CARM1: variants seen among roughly 807,000 people sequenced by gnomAD.
CARM1 encodes histone-arginine methyltransferase CARM1.
In CARM1, 14 loss-of-function variants were observed where a neutral mutation model predicts 72.7. The ratio of observed to expected loss-of-function variants is 0.19; its 90% CI spans 0.13 to 0.30. The LOEUF (loss-of-function observed/expected upper bound fraction) is 0.30, where lower values mean the gene tolerates loss of function less well. Ranked by LOEUF, CARM1 falls within the 10% of genes least tolerant of loss-of-function variation. The pLI is 1.00. For synonymous variants in CARM1, 333 were observed against 345.5 expected (o/e 0.96, Z 0.40); for missense variants, 432 against 833.7 (o/e 0.52, Z 5.93).
Position 10,903,308 on chromosome 19 carries a change from A to G in CARM1, c.221-1643A>G, listed in dbSNP as rs199652769. On this transcript the variant is annotated intron_variant, in intron 1 of 15. Coordinates refer to ENST00000327064, the MANE Select transcript of CARM1 (RefSeq NM_199141.2). Reference sequence around the variant, plus strand: ...GAAATTGAGACATGGGAATCCTCCAACTTCATTCTTTTTCAAGACTGTTTT... The same window carrying G: ...GAAATTGAGACATGGGAATCCTCCAGCTTCATTCTTTTTCAAGACTGTTTT... Among the ~76,000 whole-genome samples, 10 of 152,284 alleles carry G rather than the reference A, an allele frequency of 6.6e-5. No individual in the cohort carries two copies. In the East Asian group the frequency reaches 1.7e-3, roughly 26 times the overall value.
chr19:10,908,131 G>T lies in CARM1; in HGVS notation c.439G>T (p.Val147Leu). ...CGAGCGGACGGAGGAGTCTTCTGCC[G>T]TGCAGTACTTCCAGGTGGGTTGTAC... ...FSERTEESSA[V>L]QYFQFYGYLS... Residue 147 changes from valine to leucine, a missense_variant, in exon 3 of 16, where the codon GTG becomes TTG. Physicochemically the swap from Val to Leu is conservative, Grantham distance 32. This residue lies in a region of CARM1 where 152 missense variants were observed against 452.8 expected (regional missense o/e 0.34). Transcript: ENST00000327064. 1 of 1,612,860 alleles carries T rather than the reference G, an allele frequency of 6.2e-7. No individual in the cohort carries two copies. Among genetic ancestry groups the T allele is most frequent in the Non-Finnish European group, 8.5e-7 (1 of 1,178,950 alleles).
chr19:10,880,655 C>T (rs2073895954), intron 1 of CARM1, among the ~76,000 whole-genome samples: 1 of 152,040 alleles, frequency 6.6e-6, no homozygotes. Context: ...AGCCACGGCT[C>T]CAGAGCTCGG....
Position 10,916,909 on chromosome 19 carries a change from G to C in CARM1, c.1020+132G>C. 1 of 645,994 alleles carries C rather than the reference G, an allele frequency of 1.5e-6. No homozygotes were observed. The highest frequency in any genetic ancestry group is 2.7e-6 in the Non-Finnish European group (1 of 373,058). 40.0% of individuals were successfully genotyped at this position (645,994 alleles called of 1,614,324 possible). A position where few individuals can be genotyped will look rare whatever the true frequency, so the allele number is the denominator to read the frequency against. On this transcript the variant is annotated intron_variant, in intron 8 of 15. Coordinates refer to ENST00000327064, the MANE Select transcript of CARM1 (RefSeq NM_199141.2). The surrounding 1 kb of genome is among the most constrained non-coding windows in gnomAD (Gnocchi z 4.4). ...TGCACAGCGCTCTCACAGAGATTTG[G>C]GCCAAAAGTGTCAATGCATGTAGAC...
rs1271913084 is a variant in CARM1, at chr19:10,920,195, C to G, written c.1196+229C>G. Among the ~76,000 whole-genome samples the G allele has an allele frequency of 6.6e-6, 1 of 151,948 alleles. No homozygotes were observed. The highest frequency in any genetic ancestry group is 1.9e-4 in the East Asian group (1 of 5,182). ...GTGTCTGTCCCTCATGGGTCTGTGT[C>G]TGTCTCTTGGCACATGTCAGGGTGA... On this transcript the variant is annotated intron_variant, in intron 10 of 15. Coordinates refer to ENST00000327064, the MANE Select transcript of CARM1 (RefSeq NM_199141.2). This position sits in a 1 kb window ranked among gnomAD's most constrained non-coding sequence, Gnocchi z 5.3.
intron 1 of CARM1, among the ~76,000 whole-genome samples, chr19:10,899,016 G>A (rs2074043940): frequency 6.6e-6 from 1 of 151,770 alleles, no homozygotes; most frequent in South Asian, 2.1e-4. Context: ...AACAAAGAGA[G>A]GAACACGGCT....
At chr19:10,902,503 G>A (rs1213442472) in intron 1 of CARM1, among the ~76,000 whole-genome samples, 1 of 151,282 alleles carries the variant, frequency 6.6e-6, no homozygotes, top group Non-Finnish European at 1.5e-5. Flanking sequence ...TAGACACAGG[G>A]TTTCACTGTG....
intron 4 of CARM1, among the ~76,000 whole-genome samples, chr19:10,910,951 C>T (rs1183874090): frequency 1.3e-5 from 2 of 152,108 alleles, no homozygotes; most frequent in African/African-American, 4.8e-5. Flanking sequence ...AATGCAGTGG[C>T]ACAATCTCAG....
intron 1 of CARM1, among the ~76,000 whole-genome samples, chr19:10,897,753 C>T (rs761247833): frequency 1.3e-5 from 2 of 152,192 alleles, no homozygotes; most frequent in East Asian, 1.9e-4. Context: ...TTTGGGAGGT[C>T]GAGGTGGGTG....
chr19:10,886,597 G>A (rs1360801374), intron 1 of CARM1, among the ~76,000 whole-genome samples: 2 of 151,920 alleles, frequency 1.3e-5, no homozygotes, highest in Non-Finnish European at 2.9e-5. Context: ...GGAGGCTGAG[G>A]CAGGTGGATC....
At chr19:10,876,483 A>G (rs958540430) in intron 1 of CARM1, among the ~76,000 whole-genome samples, 9 of 152,150 alleles carry the variant, frequency 5.9e-5, no homozygotes, top group African/African-American at 2.2e-4. Context: ...TCTGTACCTA[A>G]CATAGGAGGC....
intron 8 of CARM1, among the ~76,000 whole-genome samples, chr19:10,917,945 T>C (rs2074211704): frequency 6.6e-6 from 1 of 151,938 alleles, no homozygotes; most frequent in Admixed American, 6.6e-5. Context: ...CTCCTGACCT[T>C]AGGTGATCCG....
At chr19:10,910,416 G>A in intron 4 of CARM1, among the ~76,000 whole-genome samples, 1 of 151,632 alleles carries the variant, frequency 6.6e-6, no homozygotes, top group Non-Finnish European at 1.5e-5. Flanking sequence ...GGGAGGCGGA[G>A]GTTGCAGTGA....
chr19:10,883,820 C>G (rs935924600), intron 1 of CARM1, among the ~76,000 whole-genome samples: 1 of 151,444 alleles, frequency 6.6e-6, no homozygotes, highest in African/African-American at 2.4e-5. Flanking sequence ...GAGTTCAAGA[C>G]CAGCCTGGCC....
intron 4 of CARM1, among the ~76,000 whole-genome samples, chr19:10,910,006 T>C (rs1168279110): frequency 6.6e-6 from 1 of 152,154 alleles, no homozygotes; most frequent in African/African-American, 2.4e-5. Context: ...GGCAGGGGGA[T>C]CATTTGAGCC....
In CARM1 at chr19:10,896,123, A is replaced by G. The variant is rs2074022359; in HGVS notation, c.221-8828A>G. On this transcript the variant is annotated intron_variant, in intron 1 of 15. Coordinates refer to ENST00000327064, the MANE Select transcript of CARM1 (RefSeq NM_199141.2). The surrounding 1 kb of genome is among the most constrained non-coding windows in gnomAD (Gnocchi z 5.2). ...TTGTGTTAGACACTGTGCGGCTTGAAGGGTGGACTGGGAGGTGACTGAGGC... is the reference window on the plus strand; with the variant it reads ...TTGTGTTAGACACTGTGCGGCTTGAGGGGTGGACTGGGAGGTGACTGAGGC... Among the ~76,000 whole-genome samples, 2 of 151,950 alleles carry G rather than the reference A, an allele frequency of 1.3e-5. No homozygotes were observed. The highest frequency in any genetic ancestry group is 1.3e-4 in the Admixed American group (2 of 15,228).
intron 1 of CARM1, among the ~76,000 whole-genome samples, chr19:10,885,212 G>A (rs1011921814): frequency 2.0e-5 from 3 of 152,142 alleles, no homozygotes; most frequent in East Asian, 1.9e-4. Flanking sequence ...GCTGCCAGGC[G>A]GGGCATTCTT....
At chr19:10,910,136 C>T (rs1744854947) in intron 4 of CARM1, among the ~76,000 whole-genome samples, 1 of 152,034 alleles carries the variant, frequency 6.6e-6, no homozygotes, top group Non-Finnish European at 1.5e-5. Context: ...AAATAATGTG[C>T]ACTCATGATT....
At chr19:10,872,556 G>A (rs1219183426) in intron 1 of CARM1, among the ~76,000 whole-genome samples, 3 of 152,172 alleles carry the variant, frequency 2.0e-5, no homozygotes, top group Non-Finnish European at 4.4e-5. Context: ...GTGGAAACGT[G>A]GACGGGACGG....
intron 1 of CARM1, among the ~76,000 whole-genome samples, chr19:10,889,898 C>T (rs1243359636): frequency 6.6e-6 from 1 of 152,164 alleles, no homozygotes; most frequent in Admixed American, 6.5e-5. Flanking sequence ...AATCCCCTCC[C>T]CAGGGAACAG....
Sources: allele counts gnomAD v4.1 joint callset (sites outside exome capture counted in the v4.1 genomes callset), GRCh38; gene constraint gnomAD v4.1.1; regional missense constraint gnomAD v4.1.1; non-coding constraint Gnocchi (gnomAD v3.1); transcripts MANE v1.5; gene names NCBI Gene and HGNC (gene_info 2026-07-23, HGNC 2026-07-21).